The following PCDHA1 variants were observed in gnomAD, a reference collection of about 807,000 sequenced individuals.
PCDHA1 encodes protocadherin alpha 1.
In PCDHA1, 42 loss-of-function variants were observed where a neutral mutation model predicts 61.3. The ratio of observed to expected loss-of-function variants is 0.69; its 90% CI spans 0.54 to 0.89. The LOEUF (loss-of-function observed/expected upper bound fraction) is 0.89, where lower values mean the gene tolerates loss of function less well. PCDHA1 is among the 40% of genes least tolerant of loss of function. The pLI is 0.00. For missense variants in PCDHA1, 1,256 were observed against 1,235.3 expected (o/e 1.02, Z -0.25); for synonymous variants, 610 against 553.8 (o/e 1.10, Z -1.43).
chr5:140,787,816 C>G lies in PCDHA1; in HGVS notation c.1526C>G (p.Ser509Ter), dbSNP rs1554117994. Residue 509 changes from serine to a stop codon, truncating the protein, a stop_gained, in exon 1 of 4, where the codon TCA (serine) becomes TGA (stop). Coordinates refer to ENST00000504120, the MANE Select transcript of PCDHA1 (RefSeq NM_018900.4). LOFTEE classifies it high-confidence loss of function. ...VGERALSNYV[S>*]VHAESGKVYA... ...GAGCGCGCGCTGTCGAACTACGTGT[C>G]AGTGCACGCGGAGAGCGGCAAGGTG... The G allele has an allele frequency of 1.9e-6, 3 of 1,612,602 alleles. No homozygotes were observed. Among genetic ancestry groups the G allele is most frequent in the Non-Finnish European group, 2.5e-6 (3 of 1,179,780 alleles).
rs2150131362 is a variant in PCDHA1 at position 140,824,004 on chromosome 5, G to T, written c.2394+35320G>T. On this transcript the variant is annotated intron_variant, in intron 1 of 3. Transcript: ENST00000504120. ...AGCCCACTCTGTTGTGCTCCAGCGCGGTGGGGAGCTGGTCGTACTCGCAGC... is the reference window on the plus strand; with the variant it reads ...AGCCCACTCTGTTGTGCTCCAGCGCTGTGGGGAGCTGGTCGTACTCGCAGC... The T allele has an allele frequency of 3.1e-6, 5 of 1,614,112 alleles. No individual in the cohort carries two copies. The East Asian group carries it at 1.1e-4, about 36-fold the overall frequency.
At chr5:140,889,632 C>T (rs265311) in intron 1 of PCDHA1, among the ~76,000 whole-genome samples, 138,318 of 152,176 alleles carry the variant, frequency 0.91, 63,092 homozygotes, top group East Asian at 1. Context: ...CTCTTCTTTT[C>T]ATTTGTGTTT....
At chr5:140,851,029 C>G (rs1554145203) in intron 1 of PCDHA1, 3 of 1,410,832 alleles carry the variant, frequency 2.1e-6, no homozygotes, top group African/African-American at 2.9e-5. Context: ...AAGTAAACCC[C>G]TTAACATTGG....
Position 140,849,731 on chromosome 5 carries a change from T to C in PCDHA1, c.2394+61047T>C, listed in dbSNP as rs2150447251. 21,072 of 1,598,236 alleles carry C rather than the reference T, an allele frequency of 0.013. 2,656 individuals are homozygous for C. In the African/African-American group the frequency reaches 0.2, roughly 15 times the overall value. ...ACTACTCGTTGGTGCTGGACAGAGC[T>C]CTGGACCGCGAGAGTGTGTCCGCCT... is the stretch of plus-strand genomic sequence containing the variant. On this transcript the variant is annotated intron_variant, in intron 1 of 3. Transcript: ENST00000504120.
intron 1 of PCDHA1, chr5:140,842,742 T>C: frequency 6.3e-7 from 1 of 1,594,970 alleles, no homozygotes; most frequent in Non-Finnish European, 8.6e-7. Context: ...GGCTGCCACA[T>C]CTTCACGGTG....
chr5:140,843,178 C>G, intron 1 of PCDHA1: 1 of 1,596,102 alleles, frequency 6.3e-7, no homozygotes, highest in Admixed American at 1.7e-5. Flanking sequence ...GCAGCCCTCG[C>G]ATCCCGTTCC....
In PCDHA1 at chr5:141,010,472, A is replaced by G. The variant is rs2098417397; in HGVS notation, c.*535A>G. ...AGCGGAAGTTATCAGTATGGAGGGG[A>G]AGTGTAAACTTAAAGGGACCAGACT... On this transcript the variant is annotated 3_prime_UTR_variant, in exon 4 of 4. Transcript: ENST00000504120. The G allele has an allele frequency of 1.3e-6, 1 of 762,088 alleles. No homozygotes were observed. Among genetic ancestry groups the G allele is most frequent in the African/African-American group, 1.8e-5 (1 of 56,688 alleles). 47.2% of individuals were successfully genotyped at this position (762,088 alleles called of 1,614,324 possible).
At chr5:140,928,007 A>G in intron 1 of PCDHA1, 3 of 1,614,116 alleles carry the variant, frequency 1.9e-6, no homozygotes, top group Non-Finnish European at 2.5e-6. Context: ...CTCGATTCTA[A>G]TGGTAGGGTC....
At chr5:140,943,729 A>C (rs1215938127) in intron 1 of PCDHA1, among the ~76,000 whole-genome samples, 2 of 152,256 alleles carry the variant, frequency 1.3e-5, no homozygotes, top group Non-Finnish European at 2.9e-5. Context: ...TGAGAGAATG[A>C]AAGTCCACAG....
intron 1 of PCDHA1, chr5:140,871,269 G>C (rs782046462): frequency 5.0e-6 from 8 of 1,613,822 alleles, no homozygotes; most frequent in Admixed American, 1.7e-5. Flanking sequence ...CGCTGTGGTG[G>C]TCGGCAACGC....
At chr5:140,959,676 A>G (rs2095505288) in intron 1 of PCDHA1, among the ~76,000 whole-genome samples, 1 of 152,246 alleles carries the variant, frequency 6.6e-6, no homozygotes, top group Non-Finnish European at 1.5e-5. Flanking sequence ...AATCATTTCT[A>G]AATAATTTCA....
rs782322619 is a variant in PCDHA1 at position 140,787,382 on chromosome 5, A to G, written c.1092A>G (p.Pro364=). 3 of 1,614,182 alleles carry G rather than the reference A, an allele frequency of 1.9e-6. No homozygotes were observed. The highest frequency in any genetic ancestry group is 1.1e-5 in the South Asian group (1 of 91,086). The part of the protein sequence containing the change: ...SLYLPIREDA[P]LSTVIALITV... ...ATTTGCCTATCAGAGAGGACGCTCC[A>G]CTCAGCACCGTCATCGCCCTCATCA... The change falls in exon 1 of 4, where the codon CCA becomes CCG. Residue 364 remains proline, a synonymous_variant. Transcript: ENST00000504120.
At chr5:140,804,916 C>A in intron 1 of PCDHA1, 1 of 946,486 alleles carries the variant, frequency 1.1e-6, no homozygotes, top group Non-Finnish European at 1.5e-6. Flanking sequence ...TCTTTATTTC[C>A]TTTTTTGGCA....
intron 1 of PCDHA1, chr5:140,868,711 A>G (rs2050603151): frequency 1.1e-5 from 2 of 187,754 alleles, no homozygotes; most frequent in Non-Finnish European, 2.2e-5. Flanking sequence ...AGACACAATA[A>G]TTTAAATTTG....
chr5:140,928,280 C>A, intron 1 of PCDHA1: 1 of 1,614,194 alleles, frequency 6.2e-7, no homozygotes, highest in Non-Finnish European at 8.5e-7. Context: ...CCTGGGGCCT[C>A]TCTAGGCCGA....
chr5:140,856,933 C>A (rs1554149303), intron 1 of PCDHA1: 5 of 1,593,874 alleles, frequency 3.1e-6, no homozygotes, highest in East Asian at 4.5e-5. Flanking sequence ...TTTGGATAAA[C>A]GAAAGGACGG....
chr5:140,880,385 A>T (rs191215782), intron 1 of PCDHA1, among the ~76,000 whole-genome samples: 86 of 152,346 alleles, frequency 5.6e-4, no homozygotes, highest in African/African-American at 2.1e-3. Context: ...ATAGAAAATA[A>T]TTTTTAAGAG....
intron 1 of PCDHA1, among the ~76,000 whole-genome samples, chr5:140,838,076 T>C (rs13170073): frequency 3.2e-5 from 1 of 31,122 alleles, no homozygotes; most frequent in African/African-American, 2.4e-4. Flanking sequence ...TATATATATA[T>C]AGTGTGTGTG....
intron 1 of PCDHA1, among the ~76,000 whole-genome samples, chr5:140,921,561 T>C (rs373696344): frequency 6.6e-6 from 1 of 152,194 alleles, no homozygotes; most frequent in South Asian, 2.1e-4. Context: ...AGCTCTATTA[T>C]GTTATAGTAG....
Sources: gnomAD v4.1 joint callset for allele counts (sites outside exome capture counted in the v4.1 genomes callset) on GRCh38, gnomAD v4.1.1 for gene constraint, MANE v1.5 for transcripts, NCBI Gene and HGNC (gene_info 2026-07-23, HGNC 2026-07-21) for gene names.